GABPB2: variants seen among roughly 807,000 people sequenced by gnomAD.
GABPB2 encodes the protein GA-binding protein subunit beta-2.
Under a neutral mutation model 39.1 loss-of-function variants are expected in GABPB2, and 23 were observed. The ratio of observed to expected loss-of-function variants is 0.59; its 90% CI spans 0.42 to 0.83. GABPB2 has a LOEUF of 0.83. GABPB2 is among the 40% of genes least tolerant of loss of function. The pLI is 0.00. For synonymous variants in GABPB2, 184 were observed against 199.3 expected, an observed-to-expected ratio of 0.92 and a Z score of 0.65; for missense variants, 467 against 541.1, an observed-to-expected ratio of 0.86 and a Z score of 1.36.
At chr1:151,086,335 T>C (rs1207576208) in intron 1 of GABPB2, among the ~76,000 whole-genome samples, 3 of 152,126 alleles carry the variant, frequency 2.0e-5, no homozygotes, top group African/African-American at 7.2e-5. Flanking sequence ...TTAATACAAT[T>C]AATAATTTTT....
At position 151,075,172 on chromosome 1, in the gene GABPB2, C is replaced by T. The variant is rs11577446; in HGVS notation, c.-1+4238C>T. ...AAAACAAGGGCCAGGCGCAGTGGCTCATGCCTGTAATCCCAGCTCTTTGGG... is the reference window on the plus strand; with the variant it reads ...AAAACAAGGGCCAGGCGCAGTGGCTTATGCCTGTAATCCCAGCTCTTTGGG... On this transcript the variant is annotated intron_variant, in intron 1 of 8. Coordinates refer to ENST00000368918, the MANE Select transcript of GABPB2 (RefSeq NM_144618.3). Among the ~76,000 whole-genome samples, 1,254 of 151,892 alleles carry T rather than the reference C, an allele frequency of 8.3e-3. 7 individuals carry two copies. The highest frequency in any genetic ancestry group is 0.014 in the Non-Finnish European group (969 of 67,956).
intron 6 of GABPB2, among the ~76,000 whole-genome samples, chr1:151,104,811 T>C (rs587721258): frequency 7.1e-4 from 107 of 150,318 alleles, no homozygotes; most frequent in Non-Finnish European, 1.3e-3. Flanking sequence ...CTTTTCTTTC[T>C]TTCCTTTCTT....
intron 5 of GABPB2, among the ~76,000 whole-genome samples, 185 bp downstream of exon 5, chr1:151,098,187 G>A (rs986379660): frequency 4.6e-5 from 7 of 152,130 alleles, no homozygotes; most frequent in African/African-American, 1.7e-4. Flanking sequence ...ATCATACATA[G>A]GGATTACAAA....
At chr1:151,104,066 A>G (rs1679744753) in intron 6 of GABPB2, among the ~76,000 whole-genome samples, 1 of 152,230 alleles carries the variant, frequency 6.6e-6, no homozygotes, top group Non-Finnish European at 1.5e-5. Context: ...GTATCAAAAT[A>G]CATGGGACTG....
intron 5 of GABPB2, among the ~76,000 whole-genome samples, chr1:151,100,559 G>A (rs1486503127): frequency 7.0e-6 from 1 of 143,546 alleles, no homozygotes; most frequent in South Asian, 2.3e-4. Context: ...GGGATTACAA[G>A]TGTGAGCCAC....
chr1:151,074,323 T>C (rs1229733841), intron 1 of GABPB2, among the ~76,000 whole-genome samples: 2 of 145,478 alleles, frequency 1.4e-5, no homozygotes, highest in African/African-American at 5.1e-5. Context: ...TTTTTTTTTT[T>C]TTTTCCAGAC....
At chr1:151,096,711 T>C (rs931059193) in intron 4 of GABPB2, among the ~76,000 whole-genome samples, 4 of 152,122 alleles carry the variant, frequency 2.6e-5, no homozygotes, top group East Asian at 1.9e-4. Flanking sequence ...CTGGCACTTA[T>C]TTATTTGCTT....
intron 7 of GABPB2, among the ~76,000 whole-genome samples, chr1:151,110,659 C>G (rs1304866887): frequency 6.6e-6 from 1 of 151,934 alleles, no homozygotes; most frequent in African/African-American, 2.4e-5. Context: ...CAAGGTCTTC[C>G]TATGTTACCC....
chr1:151,114,189 T>C (rs1680679721), intron 7 of GABPB2, among the ~76,000 whole-genome samples: 1 of 148,942 alleles, frequency 6.7e-6, no homozygotes, highest in Non-Finnish European at 1.5e-5. Flanking sequence ...TAAAAAAAAA[T>C]ACAAAAAAAA....
intron 6 of GABPB2, among the ~76,000 whole-genome samples, chr1:151,104,834 TTC>T (rs972370480): frequency 1.9e-5 from 2 of 107,672 alleles, no homozygotes; most frequent in Non-Finnish European, 4.1e-5. Context: ...TTTCTTTCTC[TTC>T]TCTCTCTTTC....
chr1:151,085,527 G>A (rs1366443650), intron 1 of GABPB2, among the ~76,000 whole-genome samples: 8 of 152,018 alleles, frequency 5.3e-5, no homozygotes, highest in Non-Finnish European at 1.2e-4. Context: ...TGCAAGCTCC[G>A]CCTCCAGGGT....
chr1:151,100,677 C>T (rs1679445242), intron 5 of GABPB2, among the ~76,000 whole-genome samples: 1 of 138,218 alleles, frequency 7.2e-6, no homozygotes, highest in South Asian at 2.4e-4. Flanking sequence ...CAAACTCTGC[C>T]TCCCAGGTTC....
rs587659119 is a variant in GABPB2 at position 151,122,016 on chromosome 1, G to T, written c.*3760G>T. 5.9e-5 allele frequency: 9 copies of T among 152,302 alleles called. No individual in the cohort carries two copies. In the South Asian group the frequency reaches 1.9e-3, roughly 32 times the overall value. The allele number at this position is 152,302 out of a possible 1,614,324, so 9.4% of individuals were successfully genotyped here. On this transcript the variant is annotated 3_prime_UTR_variant, in exon 9 of 9. Coordinates refer to ENST00000368918, the MANE Select transcript of GABPB2 (RefSeq NM_144618.3). ...TTTTTAATTTGGAAAAAACCTGACA[G>T]TTAACATGGTTCTGTTTACCTTGAT...
At chr1:151,117,740 T>C (rs998763750) in intron 8 of GABPB2, among the ~76,000 whole-genome samples, 1 of 152,112 alleles carries the variant, frequency 6.6e-6, no homozygotes, top group South Asian at 2.1e-4. Flanking sequence ...CCTGCCACCA[T>C]GCCTGGCTAA....
chr1:151,106,585 A>G (rs1356775539), intron 6 of GABPB2, among the ~76,000 whole-genome samples: 4 of 151,882 alleles, frequency 2.6e-5, no homozygotes, highest in Non-Finnish European at 5.9e-5. Context: ...TGATTCGCCC[A>G]TCTTGGCCTC....
intron 1 of GABPB2, among the ~76,000 whole-genome samples, chr1:151,071,620 C>T (rs587717480): frequency 5.9e-5 from 9 of 152,218 alleles, no homozygotes; most frequent in African/African-American, 1.9e-4. Context: ...CAGGCGTGCG[C>T]CACCATGCAT....
chr1:151,072,298 G>A (rs1676795693), intron 1 of GABPB2, among the ~76,000 whole-genome samples: 1 of 152,214 alleles, frequency 6.6e-6, no homozygotes. Context: ...TGTAATCCCA[G>A]CATTTTGGGA....
intron 6 of GABPB2, among the ~76,000 whole-genome samples, chr1:151,105,155 C>G (rs1679859433): frequency 6.6e-6 from 1 of 152,022 alleles, no homozygotes; most frequent in Non-Finnish European, 1.5e-5. Flanking sequence ...ATCCGCCCAC[C>G]TCGGCCTTCC....
At chr1:151,112,262 G>C (rs1680509213) in intron 7 of GABPB2, 2 of 139,674 alleles carry the variant, frequency 1.4e-5, no homozygotes, top group South Asian at 2.3e-4. Context: ...TATCCTTCAT[G>C]TACTGATGGA....
Sources: allele counts gnomAD v4.1 joint callset (sites outside exome capture counted in the v4.1 genomes callset), GRCh38; gene constraint gnomAD v4.1.1; transcripts MANE v1.5; gene names NCBI Gene and HGNC (gene_info 2026-07-23, HGNC 2026-07-21).